CNTNAP5: variants seen among roughly 807,000 people sequenced by gnomAD.
CNTNAP5 encodes the protein contactin-associated protein-like 5.
In CNTNAP5, 72 loss-of-function variants were observed where a neutral mutation model predicts 150.2. The ratio of observed to expected loss-of-function variants is 0.48; its 90% CI spans 0.40 to 0.58. CNTNAP5 has a LOEUF of 0.58. CNTNAP5 is among the 20% of genes least tolerant of loss of function. The pLI is 0.00. For missense variants in CNTNAP5, 1,636 were observed against 1,626.2 expected (o/e 1.01, Z -0.10); for synonymous variants, 672 against 619.8 (o/e 1.08, Z -1.25).
intron 3 of CNTNAP5, among the ~76,000 whole-genome samples, chr2:124,379,930 A>G (rs886651727): frequency 6.6e-6 from 1 of 152,148 alleles, no homozygotes; most frequent in Non-Finnish European, 1.5e-5. Flanking sequence ...TTGGTTGTGG[A>G]AACCCCTTGC....
Position 124,876,171 on chromosome 2 carries a change from A to G in CNTNAP5, c.3436+6409A>G, listed in dbSNP as rs566726034. ...GAAAACCTCCCACTTTTAAAGTTCC[A>G]GAAAACTTTCCTTATGTTAAGTCAT... On this transcript the variant is annotated intron_variant, in intron 21 of 23. Transcript: ENST00000682447. Among the ~76,000 whole-genome samples the G allele has an allele frequency of 2.0e-3, 308 of 152,230 alleles. 2 individuals carry two copies. The highest frequency in any genetic ancestry group is 6.8e-3 in the African/African-American group (282 of 41,564).
At chr2:124,415,161 T>C (rs1341194197) in intron 3 of CNTNAP5, among the ~76,000 whole-genome samples, 1 of 152,182 alleles carries the variant, frequency 6.6e-6, no homozygotes, top group South Asian at 2.1e-4. Context: ...GAAGAGCATT[T>C]CTGTCAAATA....
chr2:124,207,271 T>C (rs913497766), intron 1 of CNTNAP5, among the ~76,000 whole-genome samples: 12 of 152,190 alleles, frequency 7.9e-5, no homozygotes, highest in Non-Finnish European at 8.8e-5. Context: ...CCACTTGAGA[T>C]GGAGCTAAAG....
chr2:124,578,320 G>C (rs1412497795), intron 11 of CNTNAP5, among the ~76,000 whole-genome samples: 1 of 136,860 alleles, frequency 7.3e-6, no homozygotes, highest in Non-Finnish European at 1.5e-5. Context: ...ACAAGAGCGA[G>C]ACTTTGTCTC....
chr2:124,290,390 G>A (rs959792001), intron 3 of CNTNAP5, among the ~76,000 whole-genome samples: 6 of 152,228 alleles, frequency 3.9e-5, no homozygotes, highest in East Asian at 1.9e-4. Context: ...TGACTGCAAC[G>A]CTGTTGTAAA....
rs562198253 is a variant in CNTNAP5 at position 124,290,894 on chromosome 2, A to G, written c.381+48501A>G. On this transcript the variant is annotated intron_variant, in intron 3 of 23. Transcript: ENST00000682447. ...CCTTCCTTTATTTATTTATTTATTT[A>G]TTTATTTATTTATTTATTTATTTTA... Among the ~76,000 whole-genome samples, 447 of 150,614 alleles carry G rather than the reference A, an allele frequency of 3.0e-3. 4 individuals carry two copies. Among genetic ancestry groups the G allele is most frequent in the African/African-American group, 0.01 (421 of 41,028 alleles).
In CNTNAP5 at chr2:124,919,501, G is replaced by A. The variant is rs1346566821; in HGVS notation, c.*5213G>A. On this transcript the variant is annotated 3_prime_UTR_variant, in exon 24 of 24. Coordinates refer to ENST00000682447, the MANE Select transcript of CNTNAP5 (RefSeq NM_001367498.1). ...CAACCACACCTGCTGCGAACTTGAC[G>A]AGGAGGAAGAGGGGCCAGTGGCAGT... Among the ~76,000 whole-genome samples the A allele has an allele frequency of 1.3e-5, 2 of 152,064 alleles. No individual in the cohort carries two copies. The highest frequency in any genetic ancestry group is 4.8e-5 in the African/African-American group (2 of 41,436).
At chr2:124,064,492 G>T (rs950851652) in intron 1 of CNTNAP5, among the ~76,000 whole-genome samples, 8 of 152,100 alleles carry the variant, frequency 5.3e-5, no homozygotes, top group African/African-American at 1.9e-4. Context: ...CCAAACCAGG[G>T]TCTTTGCATA....
chr2:124,741,992 A>G (rs1016230670), intron 13 of CNTNAP5, among the ~76,000 whole-genome samples: 3 of 152,258 alleles, frequency 2.0e-5, no homozygotes, highest in Non-Finnish European at 4.4e-5. Context: ...GTTTAGGATA[A>G]TTAGAAAAAT....
intron 11 of CNTNAP5, among the ~76,000 whole-genome samples, chr2:124,594,377 C>T (rs62173970): frequency 0.44 from 66,042 of 150,958 alleles, 15,053 homozygotes; most frequent in East Asian, 0.8. Flanking sequence ...TTCCCAGCAT[C>T]GTTTATTAAA....
intron 10 of CNTNAP5, among the ~76,000 whole-genome samples, chr2:124,553,670 C>G (rs2104920043): frequency 6.6e-6 from 1 of 152,198 alleles, no homozygotes; most frequent in South Asian, 2.1e-4. Flanking sequence ...ACAGATTTAT[C>G]AAAATACTAC....
chr2:124,077,623 C>T (rs942330399), intron 1 of CNTNAP5, among the ~76,000 whole-genome samples: 7 of 152,160 alleles, frequency 4.6e-5, no homozygotes, highest in East Asian at 1.9e-4. Context: ...AAGTCCTTTC[C>T]CTTATTCTTC....
intron 3 of CNTNAP5, among the ~76,000 whole-genome samples, chr2:124,245,358 C>A (rs994467821): frequency 6.6e-6 from 1 of 152,042 alleles, no homozygotes; most frequent in Non-Finnish European, 1.5e-5. Context: ...ATCTTGAGAG[C>A]TTTTCTTTTT....
At chr2:124,361,307 C>T (rs188595428) in intron 3 of CNTNAP5, among the ~76,000 whole-genome samples, 1 of 145,100 alleles carries the variant, frequency 6.9e-6, no homozygotes, top group East Asian at 2.1e-4. Flanking sequence ...CTTCTCTCAG[C>T]TCATCAAAGT....
At chr2:124,676,530 G>T (rs190011211) in intron 13 of CNTNAP5, among the ~76,000 whole-genome samples, 5 of 152,346 alleles carry the variant, frequency 3.3e-5, no homozygotes, top group Non-Finnish European at 1.5e-5. Context: ...TGGGAATAGG[G>T]CTGCTCCCAT....
rs72980458 is a variant in CNTNAP5 at position 124,798,407 on chromosome 2, C to T, written c.3217+87C>T. 1,209 of 961,636 alleles carry T rather than the reference C, an allele frequency of 1.3e-3. 15 individuals are homozygous for T. The African/African-American group carries it at 0.017, about 14-fold the overall frequency. The allele number at this position is 961,636 out of a possible 1,614,324, so 59.6% of individuals were successfully genotyped here. On this transcript the variant is annotated intron_variant, in intron 19 of 23. Coordinates refer to ENST00000682447, the MANE Select transcript of CNTNAP5 (RefSeq NM_001367498.1). The stretch of plus-strand genomic sequence containing the variant: ...CCTCCAGAACTCTGCATAATTTCAA[C>T]CTCAAGTTGGTCCCATCTGGGAAGC...
intron 1 of CNTNAP5, among the ~76,000 whole-genome samples, chr2:124,049,113 G>A (rs574002376): frequency 2.0e-5 from 3 of 152,248 alleles, no homozygotes; most frequent in East Asian, 1.9e-4. Flanking sequence ...TTTGAGAAAC[G>A]CTGATTTCAG....
At chr2:124,474,646 A>G (rs1487864732) in intron 6 of CNTNAP5, 93 bp from the exon 7 acceptor site, 1 of 1,067,956 alleles carries the variant, frequency 9.4e-7, no homozygotes, top group East Asian at 2.7e-5. Context: ...TCAAGCATAC[A>G]ATTGAATCTA....
intron 12 of CNTNAP5, among the ~76,000 whole-genome samples, chr2:124,622,823 C>T (rs1573503644): frequency 3.3e-5 from 5 of 152,216 alleles, no homozygotes; most frequent in Non-Finnish European, 4.4e-5. Flanking sequence ...GCTTTTTTAT[C>T]ACAAGTTGGG....
Sources: gnomAD v4.1 joint callset for allele counts (sites outside exome capture counted in the v4.1 genomes callset) on GRCh38, gnomAD v4.1.1 for gene constraint, MANE v1.5 for transcripts, NCBI Gene and HGNC (gene_info 2026-07-23, HGNC 2026-07-21) for gene names.